EPHA6: variants seen among roughly 807,000 people sequenced by gnomAD.
EPHA6 encodes ephrin type-A receptor 6.
In EPHA6, 50 loss-of-function variants were observed where a neutral mutation model predicts 112.0. The ratio of observed to expected loss-of-function variants is 0.45; its 90% CI spans 0.36 to 0.56. The LOEUF is 0.56. Among genes scored for constraint, EPHA6 ranks in the 20% least tolerant of loss-of-function variants. EPHA6 has a pLI of 0.00. For missense variants in EPHA6, 1,280 were observed against 1,417.4 expected, an observed-to-expected ratio of 0.90 and a Z score of 1.56; for synonymous variants, 529 against 490.7, an observed-to-expected ratio of 1.08 and a Z score of -1.03.
intron 3 of EPHA6, among the ~76,000 whole-genome samples, chr3:97,224,949 TTTTGTTTG>T (rs553730421): frequency 6.6e-6 from 1 of 151,950 alleles, no homozygotes; most frequent in Non-Finnish European, 1.5e-5. Flanking sequence ...TTTTGGGTTT[TTTTGTTTG>T]TTTGTTTGTT....
At chr3:97,105,199 C>T (rs1218474751) in intron 3 of EPHA6, among the ~76,000 whole-genome samples, 3 of 151,800 alleles carry the variant, frequency 2.0e-5, no homozygotes, top group Non-Finnish European at 4.4e-5. Flanking sequence ...TCTTGCTTAT[C>T]TAGTTCCTTT....
chr3:97,141,302 G>A (rs1474320863), intron 3 of EPHA6, among the ~76,000 whole-genome samples: 2 of 152,002 alleles, frequency 1.3e-5, no homozygotes, highest in Non-Finnish European at 2.9e-5. Flanking sequence ...AGGGCCTCTG[G>A]ACTTAAACTG....
chr3:97,586,664 A>G (rs1353062285), intron 11 of EPHA6, among the ~76,000 whole-genome samples: 1 of 152,098 alleles, frequency 6.6e-6, no homozygotes, highest in African/African-American at 2.4e-5. Flanking sequence ...AGATAGAAAG[A>G]TGGTAGGTAG....
intron 5 of EPHA6, among the ~76,000 whole-genome samples, chr3:97,334,637 G>T (rs1382778856): frequency 6.6e-6 from 1 of 151,756 alleles, no homozygotes; most frequent in Admixed American, 6.6e-5. Context: ...GTGTCACCAT[G>T]CCCAGATAAA....
At position 97,752,932 on chromosome 3, in the gene EPHA6, T is replaced by C. The variant is rs1272815423; in HGVS notation, c.*4231T>C. ...TCTTAACTTTTCCAATCTCAAATTC[T>C]GTGAAGTAGAAGAGACTCATATTAC... is the stretch of plus-strand genomic sequence containing the variant. On this transcript the variant is annotated 3_prime_UTR_variant, in exon 18 of 18. Coordinates refer to ENST00000389672, the MANE Select transcript of EPHA6 (RefSeq NM_001080448.3). Among the ~76,000 whole-genome samples the C allele has an allele frequency of 6.6e-6, 1 of 152,122 alleles. No homozygotes were observed. The highest frequency in any genetic ancestry group is 1.5e-5 in the Non-Finnish European group (1 of 67,986).
Position 97,747,436 on chromosome 3 carries a change from C to T in EPHA6, c.3142C>T (p.Pro1048Ser). ...GTTTTCTTACAGAATGCCAGAGTCC[C>T]CTGGTGAAGTTCCGGAATATCCTTT... ...VEDILVMPES[P>S]GEVPEYPLFV... Residue 1048 changes from proline (P) to serine (S), a missense_variant, in exon 17 of 18, where the codon CCT (proline) becomes TCT (serine). Pro to Ser is a moderately conservative substitution (Grantham distance 74). Coordinates refer to ENST00000389672, the MANE Select transcript of EPHA6 (RefSeq NM_001080448.3). The T allele has an allele frequency of 1.3e-6, 2 of 1,561,058 alleles. No homozygotes were observed. The highest frequency in any genetic ancestry group is 1.7e-6 in the Non-Finnish European group (2 of 1,152,580).
intron 12 of EPHA6, among the ~76,000 whole-genome samples, chr3:97,598,389 A>G (rs1226406235): frequency 6.1e-5 from 9 of 146,568 alleles, no homozygotes; most frequent in Non-Finnish European, 1.1e-4. Context: ...AGCATTAGGT[A>G]TATCTCCCAA....
At chr3:96,829,565 C>T (rs2033886730) in intron 1 of EPHA6, among the ~76,000 whole-genome samples, 1 of 152,104 alleles carries the variant, frequency 6.6e-6, no homozygotes, top group Admixed American at 6.6e-5. Context: ...TCCTTGCCCT[C>T]CTCTTCTTGG....
chr3:97,552,231 C>T (rs535571623), intron 11 of EPHA6, among the ~76,000 whole-genome samples: 1 of 152,164 alleles, frequency 6.6e-6, no homozygotes, highest in African/African-American at 2.4e-5. Flanking sequence ...TGTAAATGTA[C>T]TATTTTTATA....
At chr3:96,821,614 T>C (rs2033263224) in intron 1 of EPHA6, among the ~76,000 whole-genome samples, 1 of 151,882 alleles carries the variant, frequency 6.6e-6, no homozygotes, top group Admixed American at 6.6e-5. Context: ...GTAAAGAGTT[T>C]ACAGTCTGTT....
intron 14 of EPHA6, among the ~76,000 whole-genome samples, chr3:97,717,649 T>A (rs1220073519): frequency 2.0e-5 from 3 of 152,230 alleles, no homozygotes; most frequent in Non-Finnish European, 4.4e-5. Flanking sequence ...CCTTAATTAC[T>A]TCTTTAAAGA....
chr3:97,341,406 GT>G (rs2083297053), intron 5 of EPHA6, among the ~76,000 whole-genome samples: 2 of 151,588 alleles, frequency 1.3e-5, no homozygotes, highest in Admixed American at 1.3e-4. Flanking sequence ...CCAGGCTGGA[GT>G]GCAGTGGCAC....
chr3:97,299,685 A>T (rs184011758), intron 5 of EPHA6, among the ~76,000 whole-genome samples: 2 of 152,312 alleles, frequency 1.3e-5, no homozygotes, highest in East Asian at 3.9e-4. Context: ...TGATTTTGCT[A>T]CAAAATTATG....
At chr3:96,968,762 C>T (rs546852062) in intron 2 of EPHA6, among the ~76,000 whole-genome samples, 1 of 151,846 alleles carries the variant, frequency 6.6e-6, no homozygotes, top group African/African-American at 2.4e-5. Flanking sequence ...AGATTTTTTC[C>T]TTGAAGTTTG....
At chr3:96,869,818 T>C (rs1311849165) in intron 2 of EPHA6, among the ~76,000 whole-genome samples, 1 of 152,070 alleles carries the variant, frequency 6.6e-6, no homozygotes, top group Non-Finnish European at 1.5e-5. Context: ...ACAAAATTGA[T>C]GTTAGGAAAA....
At chr3:96,852,130 T>C (rs567870703) in intron 1 of EPHA6, among the ~76,000 whole-genome samples, 38 of 152,270 alleles carry the variant, frequency 2.5e-4, no homozygotes, top group Admixed American at 8.5e-4. Context: ...CTGGAGCAAC[T>C]GGAGTTTTAA....
At chr3:97,519,057 T>C (rs1386966473) in intron 10 of EPHA6, among the ~76,000 whole-genome samples, 1 of 152,170 alleles carries the variant, frequency 6.6e-6, no homozygotes, top group African/African-American at 2.4e-5. Context: ...TACTAAGCCA[T>C]ACAAACTTTG....
rs549549050 is a variant in EPHA6 at position 97,486,416 on chromosome 3, C to T, written c.2200+2357C>T. Among the ~76,000 whole-genome samples the T allele has an allele frequency of 5.9e-5, 9 of 152,252 alleles. No homozygotes were observed. The South Asian group carries it at 1.9e-3, about 32-fold the overall frequency. ...TATTCCTTTAGATCATTGTTATAGC[C>T]CTTTTTATGCTGCTCTAATAGAATG... On this transcript the variant is annotated intron_variant, in intron 10 of 17. Coordinates refer to ENST00000389672, the MANE Select transcript of EPHA6 (RefSeq NM_001080448.3).
chr3:97,527,852 A>C (rs1415178903), intron 10 of EPHA6, among the ~76,000 whole-genome samples: 1 of 152,144 alleles, frequency 6.6e-6, no homozygotes, highest in Non-Finnish European at 1.5e-5. Flanking sequence ...GACCTGATCT[A>C]TTTGATAAGG....
Sources: allele counts gnomAD v4.1 joint callset (sites outside exome capture counted in the v4.1 genomes callset), GRCh38; gene constraint gnomAD v4.1.1; transcripts MANE v1.5; gene names NCBI Gene and HGNC (gene_info 2026-07-23, HGNC 2026-07-21).